The following CHST11 variants were observed in gnomAD, a reference collection of about 807,000 sequenced individuals.
CHST11 encodes the protein C4S-1.
In CHST11, 9 loss-of-function variants were observed where a neutral mutation model predicts 30.4. The observed-to-expected ratio is 0.30, with a 90% CI of 0.18 to 0.52. CHST11 has a LOEUF of 0.52. Ranked by LOEUF, CHST11 falls within the 20% of genes least tolerant of loss-of-function variation. CHST11 has a pLI of 0.97. For synonymous variants in CHST11, 152 were observed against 187.8 expected, an observed-to-expected ratio of 0.81 and a Z score of 1.56; for missense variants, 348 against 460.6, an observed-to-expected ratio of 0.76 and a Z score of 2.24.
chr12:104,657,520 G>GAA (rs142635538), intron 2 of CHST11, among the ~76,000 whole-genome samples: 6 of 147,872 alleles, frequency 4.1e-5, no homozygotes, highest in African/African-American at 1.2e-4. Flanking sequence ...CCTGGCAGAT[G>GAA]AAAAAAAAAA....
At chr12:104,716,923 A>G (rs912572820) in intron 2 of CHST11, among the ~76,000 whole-genome samples, 2 of 152,210 alleles carry the variant, frequency 1.3e-5, no homozygotes, top group Admixed American at 1.3e-4. Context: ...AAATCAAATC[A>G]AGGGGATTAT....
At chr12:104,740,740 C>G (rs58095505) in intron 2 of CHST11, among the ~76,000 whole-genome samples, 1 of 152,230 alleles carries the variant, frequency 6.6e-6, no homozygotes, top group Non-Finnish European at 1.5e-5. Flanking sequence ...TTATTCACCT[C>G]TGGGCCCCGG....
chr12:104,525,534 T>C (rs544699683), intron 1 of CHST11, among the ~76,000 whole-genome samples: 2 of 152,328 alleles, frequency 1.3e-5, no homozygotes, highest in South Asian at 4.2e-4. Context: ...CCTGTGTGAC[T>C]TGGGGCAAAT....
intron 2 of CHST11, among the ~76,000 whole-genome samples, chr12:104,603,522 C>T (rs994518896): frequency 2.6e-5 from 4 of 152,224 alleles, no homozygotes; most frequent in Non-Finnish European, 4.4e-5. Flanking sequence ...TGATTCAAAA[C>T]ATGAAAGTCC....
intron 1 of CHST11, among the ~76,000 whole-genome samples, chr12:104,538,803 T>C (rs2038262034): frequency 6.6e-6 from 1 of 152,236 alleles, no homozygotes. Flanking sequence ...AAATTTACTA[T>C]CTTTATTTTG....
At chr12:104,622,503 A>G (rs989209805) in intron 2 of CHST11, among the ~76,000 whole-genome samples, 1 of 152,182 alleles carries the variant, frequency 6.6e-6, no homozygotes, top group Non-Finnish European at 1.5e-5. Flanking sequence ...GGCAGGGGAG[A>G]TATTATCTTC....
chr12:104,504,319 C>T (rs1490999724), intron 1 of CHST11, among the ~76,000 whole-genome samples: 1 of 152,232 alleles, frequency 6.6e-6, no homozygotes, highest in Non-Finnish European at 1.5e-5. Flanking sequence ...ATGTAATTAG[C>T]TCACTGGCTT....
intron 2 of CHST11, among the ~76,000 whole-genome samples, chr12:104,621,331 C>T (rs10507178): frequency 0.17 from 25,821 of 152,264 alleles, 2,740 homozygotes; most frequent in Admixed American, 0.24. Flanking sequence ...CTGTCTTTCT[C>T]TGGTGCTGTC....
Position 104,697,480 on chromosome 12 carries a change from C to T in CHST11, c.205-59469C>T, listed in dbSNP as rs114201680. ...TCGGAGCTCCTGGTTCTCCGGCCCT[C>T]GTATCCAGACTGAATCTCACCACCA... On this transcript the variant is annotated intron_variant, in intron 2 of 2. Coordinates refer to ENST00000303694, the MANE Select transcript of CHST11 (RefSeq NM_018413.6). Among the ~76,000 whole-genome samples the T allele has an allele frequency of 8.7e-3, 1,318 of 152,254 alleles. 18 individuals are homozygous for T. The highest frequency in any genetic ancestry group is 0.03 in the African/African-American group (1,240 of 41,546).
chr12:104,508,056 A>G (rs1053997478), intron 1 of CHST11, among the ~76,000 whole-genome samples: 1 of 152,204 alleles, frequency 6.6e-6, no homozygotes, highest in Non-Finnish European at 1.5e-5. Context: ...CTTAGGACAG[A>G]GGATCCTCAC....
intron 1 of CHST11, among the ~76,000 whole-genome samples, chr12:104,536,224 T>C (rs985701764): frequency 2.6e-5 from 4 of 152,154 alleles, no homozygotes; most frequent in Admixed American, 6.5e-5. Context: ...AGAAATAGTA[T>C]TTGCTCAAAC....
intron 2 of CHST11, among the ~76,000 whole-genome samples, chr12:104,684,597 G>C (rs2039829410): frequency 6.6e-6 from 1 of 152,204 alleles, no homozygotes; most frequent in South Asian, 2.1e-4. Context: ...ACCCAGGCTG[G>C]AGTGCAGTAG....
At chr12:104,593,993 T>A (rs1323498277) in intron 1 of CHST11, among the ~76,000 whole-genome samples, 1 of 152,254 alleles carries the variant, frequency 6.6e-6, no homozygotes, top group Non-Finnish European at 1.5e-5. Flanking sequence ...TCCTCTTCTT[T>A]GTTCATTTGC....
chr12:104,634,811 A>T (rs1338756608), intron 2 of CHST11, among the ~76,000 whole-genome samples: 1 of 152,152 alleles, frequency 6.6e-6, no homozygotes, highest in Non-Finnish European at 1.5e-5. Flanking sequence ...TTAACCTCTT[A>T]AAAACCCCAC....
intron 1 of CHST11, among the ~76,000 whole-genome samples, chr12:104,490,942 C>T (rs944048563): frequency 6.6e-6 from 1 of 152,018 alleles, no homozygotes; most frequent in Non-Finnish European, 1.5e-5. Flanking sequence ...ATTTTGCTCA[C>T]ATTTCACTTC....
chr12:104,476,214 A>G (rs923271156), intron 1 of CHST11, among the ~76,000 whole-genome samples: 7 of 144,730 alleles, frequency 4.8e-5, no homozygotes, highest in Non-Finnish European at 1.1e-4. Context: ...AAACAATATT[A>G]CATATATGTT....
At chr12:104,702,882 G>A (rs1355288144) in intron 2 of CHST11, among the ~76,000 whole-genome samples, 5 of 152,274 alleles carry the variant, frequency 3.3e-5, no homozygotes, top group East Asian at 1.9e-4. Flanking sequence ...GATCTAACTC[G>A]AGCCTGGCGC....
At chr12:104,576,322 C>T (rs985041549) in intron 1 of CHST11, among the ~76,000 whole-genome samples, 1 of 152,176 alleles carries the variant, frequency 6.6e-6, no homozygotes, top group East Asian at 1.9e-4. Flanking sequence ...GAATCCCTGA[C>T]ACAGTGGGCC....
intron 1 of CHST11, among the ~76,000 whole-genome samples, chr12:104,549,054 A>G (rs913783868): frequency 2.0e-5 from 3 of 152,234 alleles, no homozygotes; most frequent in African/African-American, 7.2e-5. Flanking sequence ...AACCACGGTG[A>G]TAAATGAGGT....
Sources: allele counts gnomAD v4.1 joint callset (sites outside exome capture counted in the v4.1 genomes callset), GRCh38; gene constraint gnomAD v4.1.1; transcripts MANE v1.5; gene names NCBI Gene and HGNC (gene_info 2026-07-23, HGNC 2026-07-21).